Variants in CDH11 observed in about 807,000 individuals in gnomAD.
CDH11 encodes the protein cadherin-11.
In CDH11, 11 loss-of-function variants were observed where a neutral mutation model predicts 67.8. That is an observed-to-expected ratio of 0.16 (90% CI 0.10 to 0.27). The LOEUF is 0.27. Ranked by LOEUF, CDH11 falls within the 10% of genes least tolerant of loss-of-function variation. The probability of loss-of-function intolerance (pLI) is 1.00; values close to 1 mark genes in which losing one functional copy is unlikely to be tolerated. For synonymous variants in CDH11, 419 were observed against 400.0 expected (o/e 1.05, Z -0.57); for missense variants, 847 against 1,031.2 (o/e 0.82, Z 2.45).
chr16:65,053,754 T>C lies in CDH11; in HGVS notation c.-173+50A>G, dbSNP rs1469921756. On this transcript the variant is annotated intron_variant, in intron 2 of 12. Coordinates refer to ENST00000268603, the MANE Select transcript of CDH11 (RefSeq NM_001797.4). ...AGACCCAGTGGCATACTTTCCATCT[T>C]GACATACATAGTAATATGTGAATTG... The C allele has an allele frequency of 1.3e-5, 6 of 450,646 alleles. No homozygotes were observed. In the Admixed American group the frequency reaches 1.4e-4, roughly 11 times the overall value. 27.9% of individuals were successfully genotyped at this position (450,646 alleles called of 1,614,324 possible).
At chr16:65,000,584 G>A (rs1011336895) in intron 3 of CDH11, among the ~76,000 whole-genome samples, 1 of 152,106 alleles carries the variant, frequency 6.6e-6, no homozygotes, top group Non-Finnish European at 1.5e-5. Flanking sequence ...ATCACTTGAG[G>A]TCGGGGGTTC....
chr16:65,111,674 AACACACACACACAC>A (rs71143552), intron 1 of CDH11, among the ~76,000 whole-genome samples: 15 of 140,728 alleles, frequency 1.1e-4, no homozygotes, highest in South Asian at 7.1e-4. Context: ...GAAAGCTAGA[AACACACACACACAC>A]ACACACACAC....
rs1567479989 is a variant in CDH11 at position 64,947,948 on chromosome 16, C to T, written c.2046G>A (p.Gln682=). 6.2e-7 allele frequency: 1 copy of T among 1,614,028 alleles called. No individual in the cohort carries two copies. The highest frequency in any genetic ancestry group is 8.5e-7 in the Non-Finnish European group (1 of 1,180,024). The change falls in exon 13 of 13, where the codon CAG becomes CAA. Residue 682 remains glutamine, a synonymous_variant. Coordinates refer to ENST00000268603, the MANE Select transcript of CDH11 (RefSeq NM_001797.4). ...TAAATCCATTGATACCATCAGGATT[C>T]TGGAGGGTGGCAATATCAAAGGCTT... ...DTEAFDIATL[Q]NPDGINGFIP...
intron 2 of CDH11, among the ~76,000 whole-genome samples, chr16:65,046,223 T>A (rs1004256966): frequency 6.6e-6 from 1 of 152,198 alleles, no homozygotes; most frequent in Non-Finnish European, 1.5e-5. Flanking sequence ...GATAATGCTG[T>A]CTATATGGCT....
chr16:65,001,643 C>G (rs2072921826), intron 3 of CDH11, among the ~76,000 whole-genome samples: 1 of 152,106 alleles, frequency 6.6e-6, no homozygotes, highest in South Asian at 2.1e-4. Context: ...AGCCAAATAA[C>G]TAAAAATTTA....
In CDH11 at chr16:64,982,344, G is replaced by T. The variant is rs375367948; in HGVS notation, c.1000-43C>A. 56 of 1,495,648 alleles carry T rather than the reference G, an allele frequency of 3.7e-5. No homozygotes were observed. In the African/African-American group the frequency reaches 5.0e-4, roughly 13 times the overall value. The allele number at this position is 1,495,648 out of a possible 1,614,324, so 92.6% of individuals were successfully genotyped here. The stretch of plus-strand genomic sequence containing the variant: ...AAGATTGACAACCAATTCCTTGAAA[G>T]AATAATGGAAGAGAAAGACCCGATT... On this transcript the variant is annotated intron_variant, in intron 7 of 12. Coordinates refer to ENST00000268603, the MANE Select transcript of CDH11 (RefSeq NM_001797.4).
chr16:65,080,733 A>C (rs2074596516), intron 1 of CDH11, among the ~76,000 whole-genome samples: 1 of 152,050 alleles, frequency 6.6e-6, no homozygotes, highest in Non-Finnish European at 1.5e-5. Flanking sequence ...ATACCTCTTC[A>C]TTTGTTTTGA....
chr16:65,022,852 C>G (rs58403970), intron 2 of CDH11, among the ~76,000 whole-genome samples: 9,134 of 152,206 alleles, frequency 0.06, 630 homozygotes, highest in African/African-American at 0.17. Flanking sequence ...GGGCAGCCAA[C>G]AGTGAACCCC....
intron 6 of CDH11, among the ~76,000 whole-genome samples, chr16:64,989,091 A>G (rs1309617499): frequency 6.6e-6 from 1 of 152,186 alleles, no homozygotes. Context: ...GGCCGACTAA[A>G]GAGAAAAAAT....
chr16:64,972,803 A>G (rs1334557919), intron 9 of CDH11, 101 bp downstream of exon 9: 2 of 1,270,012 alleles, frequency 1.6e-6, no homozygotes, highest in Non-Finnish European at 2.2e-6. Flanking sequence ...GTTTAAGACC[A>G]AAAAAGTTAG....
At chr16:64,997,826 T>A (rs2072813014) in intron 4 of CDH11, among the ~76,000 whole-genome samples, 1 of 152,218 alleles carries the variant, frequency 6.6e-6, no homozygotes, top group Non-Finnish European at 1.5e-5. Flanking sequence ...TGTAAAATGT[T>A]CCTGAATTCA....
chr16:65,016,455 A>G (rs1351227929), intron 2 of CDH11, among the ~76,000 whole-genome samples: 2 of 152,182 alleles, frequency 1.3e-5, no homozygotes, highest in African/African-American at 2.4e-5. Flanking sequence ...TTCAAAGGCA[A>G]TATTAAGTGT....
chr16:65,083,981 G>A (rs1218100217), intron 1 of CDH11, among the ~76,000 whole-genome samples: 1 of 152,062 alleles, frequency 6.6e-6, no homozygotes, highest in Non-Finnish European at 1.5e-5. Flanking sequence ...CCCTTGTCAC[G>A]ACTGAAGAGG....
At chr16:64,948,533 T>A (rs766823957) in intron 12 of CDH11, 25 of 1,209,982 alleles carry the variant, frequency 2.1e-5, no homozygotes, top group Non-Finnish European at 2.7e-5. Flanking sequence ...TACCATCTTA[T>A]AGGGGGTGAT....
chr16:64,996,126 T>C (rs2072756869), intron 4 of CDH11, among the ~76,000 whole-genome samples: 1 of 152,116 alleles, frequency 6.6e-6, no homozygotes, highest in African/African-American at 2.4e-5. Flanking sequence ...GGAACACATA[T>C]ACACTGCTGG....
intron 2 of CDH11, among the ~76,000 whole-genome samples, chr16:65,036,568 T>C (rs757472570): frequency 2.2e-4 from 33 of 152,128 alleles, no homozygotes; most frequent in Non-Finnish European, 4.3e-4. Context: ...ATTAGGGTCA[T>C]AAATCACTGC....
At chr16:64,996,192 CAG>C (rs1266693415) in intron 4 of CDH11, among the ~76,000 whole-genome samples, 2 of 152,028 alleles carry the variant, frequency 1.3e-5, no homozygotes, top group Non-Finnish European at 2.9e-5. Context: ...TCAAAAAAAA[CAG>C]AATTACAATT....
At position 64,945,790 on chromosome 16, in the gene CDH11, T is replaced by TA. The variant is rs1387054861; in HGVS notation, c.*1812dup. On this transcript the variant is annotated 3_prime_UTR_variant, in exon 13 of 13. Coordinates refer to ENST00000268603, the MANE Select transcript of CDH11 (RefSeq NM_001797.4). Reference sequence around the variant, plus strand: ...ATGCATGTTGACTAAATCATAAAAATAGTACATAACATGATATCAAGAAAT... The same window carrying TA: ...ATGCATGTTGACTAAATCATAAAAATAAGTACATAACATGATATCAAGAAAT... The TA allele has an allele frequency of 9.6e-7, 1 of 1,045,108 alleles. No individual in the cohort carries two copies. The highest frequency in any genetic ancestry group is 1.2e-6 in the Non-Finnish European group (1 of 866,344). 64.7% of individuals were successfully genotyped at this position (1,045,108 alleles called of 1,614,324 possible). A position where few individuals can be genotyped will look rare whatever the true frequency, so the allele number is the denominator to read the frequency against.
intron 1 of CDH11, among the ~76,000 whole-genome samples, chr16:65,057,542 A>AAGG (rs2074165318): frequency 1.3e-5 from 2 of 152,240 alleles, no homozygotes; most frequent in Non-Finnish European, 2.9e-5. Flanking sequence ...TAAGCATACC[A>AAGG]AAATCAAGGA....
Sources: gnomAD v4.1 joint callset for allele counts (sites outside exome capture counted in the v4.1 genomes callset) on GRCh38, gnomAD v4.1.1 for gene constraint, MANE v1.5 for transcripts, NCBI Gene and HGNC (gene_info 2026-07-23, HGNC 2026-07-21) for gene names.